CYTH3: variants seen among roughly 807,000 people sequenced by gnomAD.
The protein encoded by CYTH3 is cytohesin 3, also known as cytohesin-3.
A neutral mutation model predicts 55.1 loss-of-function variants in CYTH3; 23 were observed. The ratio of observed to expected loss-of-function variants is 0.42; its 90% CI spans 0.30 to 0.59. The LOEUF (loss-of-function observed/expected upper bound fraction) is 0.59. Ranked by LOEUF, CYTH3 falls within the 20% of genes least tolerant of loss-of-function variation. CYTH3 has a pLI of 0.20. For missense variants in CYTH3, 413 were observed against 524.8 expected (o/e 0.79, Z 2.08); for synonymous variants, 249 against 194.9 (o/e 1.28, Z -2.31).
intron 4 of CYTH3, among the ~76,000 whole-genome samples, chr7:6,178,773 T>C (rs1248678029): frequency 6.6e-6 from 1 of 152,242 alleles, no homozygotes; most frequent in Admixed American, 6.5e-5. Context: ...TCAAAGCTCA[T>C]GCCCACTCTG....
chr7:6,239,057 T>C (rs924611366), intron 1 of CYTH3, among the ~76,000 whole-genome samples: 5 of 151,872 alleles, frequency 3.3e-5, no homozygotes, highest in Non-Finnish European at 1.5e-5. Flanking sequence ...CTACAAAAAA[T>C]ACAAAAATTA....
In CYTH3 at chr7:6,170,028, G is replaced by A. The variant is rs911991744; in HGVS notation, c.823+507C>T. On this transcript the variant is annotated intron_variant, in intron 9 of 12. Transcript: ENST00000350796. This position sits in a 1 kb window ranked among gnomAD's most constrained non-coding sequence, Gnocchi z 7.8. ...GAGCTCACACAGACCAACGTGGGGA[G>A]AGCGAGAGGAATGAGCCGCTGAGGG... The A allele has an allele frequency of 1.8e-5, 3 of 168,276 alleles. No homozygotes were observed. The highest frequency in any genetic ancestry group is 7.2e-5 in the African/African-American group (3 of 41,620). The allele number at this position is 168,276 out of a possible 1,614,324, so 10.4% of individuals were successfully genotyped here. A position where few individuals can be genotyped will look rare whatever the true frequency, so the allele number is the denominator to read the frequency against.
In CYTH3 at chr7:6,169,260, G is replaced by A. The variant is rs986494457; in HGVS notation, c.823+1275C>T. ...TTTTGAGACGAGGTCTCACTCTGTC[G>A]CCGAGGTGGGAGAGCAGTGGCACAG... is the stretch of plus-strand genomic sequence containing the variant. On this transcript the variant is annotated intron_variant, in intron 9 of 12. Coordinates refer to ENST00000350796, the MANE Select transcript of CYTH3 (RefSeq NM_004227.4). This position sits in a 1 kb window ranked among gnomAD's most constrained non-coding sequence, Gnocchi z 4.1. 2.0e-5 allele frequency among the ~76,000 whole-genome samples: 3 copies of A among 152,120 alleles called. No individual in the cohort carries two copies. Among genetic ancestry groups the A allele is most frequent in the Non-Finnish European group, 2.9e-5 (2 of 68,028 alleles).
chr7:6,256,099 T>C (rs1780097530), intron 1 of CYTH3, among the ~76,000 whole-genome samples: 1 of 152,196 alleles, frequency 6.6e-6, no homozygotes, highest in African/African-American at 2.4e-5. Flanking sequence ...GAAATGGCCC[T>C]GTCAATAACT....
chr7:6,265,113 G>A (rs1454593788), intron 1 of CYTH3, among the ~76,000 whole-genome samples: 1 of 152,144 alleles, frequency 6.6e-6, no homozygotes, highest in East Asian at 1.9e-4. Context: ...AGACCAATGA[G>A]ACAGAGCAGA....
chr7:6,188,396 C>T (rs1232650768), intron 2 of CYTH3, among the ~76,000 whole-genome samples: 1 of 151,994 alleles, frequency 6.6e-6, no homozygotes, highest in East Asian at 1.9e-4. Context: ...CATGAGTCCT[C>T]AGTTCGCTTA....
chr7:6,212,900 C>T (rs1241022284), intron 1 of CYTH3, among the ~76,000 whole-genome samples: 2 of 152,228 alleles, frequency 1.3e-5, no homozygotes, highest in African/African-American at 4.8e-5. Context: ...AATCTCCACA[C>T]TGTTTTCTAC....
chr7:6,163,039 C>T lies in CYTH3; in HGVS notation c.*1905G>A, dbSNP rs1782883463. The T allele has an allele frequency of 6.5e-6, 1 of 152,708 alleles. No homozygotes were observed. Among genetic ancestry groups the T allele is most frequent in the Non-Finnish European group, 1.5e-5 (1 of 68,056 alleles). The allele number at this position is 152,708 out of a possible 1,614,324, so 9.5% of individuals were successfully genotyped here. On this transcript the variant is annotated 3_prime_UTR_variant, in exon 13 of 13. Transcript: ENST00000350796. ...ATCTACCAGTCAGGCATTTCAAGAA[C>T]GCTGACTTGCCTTTCTCAGAACTAA...
At chr7:6,245,293 TTC>T (rs1433144073) in intron 1 of CYTH3, among the ~76,000 whole-genome samples, 8 of 152,088 alleles carry the variant, frequency 5.3e-5, no homozygotes, top group African/African-American at 1.9e-4. Context: ...AACTAGTGAC[TTC>T]TTTTTCATTC....
chr7:6,218,369 T>C (rs1239509073), intron 1 of CYTH3, among the ~76,000 whole-genome samples: 2 of 152,092 alleles, frequency 1.3e-5, no homozygotes, highest in Admixed American at 6.5e-5. Flanking sequence ...GACAAGGAAA[T>C]GCAGCTCTAG....
chr7:6,210,924 T>C (rs895116790), intron 1 of CYTH3, among the ~76,000 whole-genome samples: 2 of 152,244 alleles, frequency 1.3e-5, no homozygotes, highest in Admixed American at 6.5e-5. Flanking sequence ...ACCTGAAGTA[T>C]TCTATTTGAT....
chr7:6,187,044 T>C lies in CYTH3; in HGVS notation c.249+6A>G. The C allele has an allele frequency of 6.2e-7, 1 of 1,613,340 alleles. No individual in the cohort carries two copies. Among genetic ancestry groups the C allele is most frequent in the Non-Finnish European group, 8.5e-7 (1 of 1,179,224 alleles). On this transcript the variant is annotated splice_donor_region_variant and intron_variant, in intron 4 of 12. Transcript: ENST00000350796. ...GCAGGCCAGAAAAGGGAGAGCATTC[T>C]CTTACCTTTTTGGGATCCATGTTGA...
intron 4 of CYTH3, among the ~76,000 whole-genome samples, chr7:6,183,937 C>G (rs1264515631): frequency 1.3e-5 from 2 of 151,174 alleles, no homozygotes; most frequent in Non-Finnish European, 2.9e-5. Context: ...ACTAGCAAGC[C>G]AGGAAGAGAG....
intron 1 of CYTH3, among the ~76,000 whole-genome samples, chr7:6,259,674 T>G (rs548931435): frequency 1.3e-4 from 18 of 134,228 alleles, no homozygotes; most frequent in Non-Finnish European, 1.7e-4. Flanking sequence ...GAGTCATGTA[T>G]TTTCTACTCT....
At chr7:6,174,299 G>C (rs1428122379) in intron 5 of CYTH3, among the ~76,000 whole-genome samples, 4 of 151,356 alleles carry the variant, frequency 2.6e-5, no homozygotes, top group Admixed American at 2.0e-4. Context: ...ATTTTTAGTA[G>C]AGATGGGGTT....
At chr7:6,263,971 G>A (rs551158595) in intron 1 of CYTH3, among the ~76,000 whole-genome samples, 2 of 152,152 alleles carry the variant, frequency 1.3e-5, no homozygotes, top group East Asian at 3.9e-4. Flanking sequence ...TTAGGGCCGG[G>A]TGCGGTTGCT....
At chr7:6,193,534 T>G (rs960668887) in intron 1 of CYTH3, among the ~76,000 whole-genome samples, 2 of 152,214 alleles carry the variant, frequency 1.3e-5, no homozygotes, top group Non-Finnish European at 2.9e-5. Flanking sequence ...CACAGCTGAT[T>G]TAATCCACAT....
At chr7:6,185,437 C>T (rs1783611869) in intron 4 of CYTH3, among the ~76,000 whole-genome samples, 2 of 152,048 alleles carry the variant, frequency 1.3e-5, no homozygotes, top group South Asian at 2.1e-4. Flanking sequence ...GGGCTCACGC[C>T]TGTAATCCCA....
intron 3 of CYTH3, 67 bp from the exon 4 acceptor site, chr7:6,187,183 C>A: frequency 1.3e-6 from 2 of 1,516,018 alleles, no homozygotes; most frequent in Non-Finnish European, 1.8e-6. Flanking sequence ...TCACGGCCCT[C>A]CAGTGTACTT....
Sources: gnomAD v4.1 joint callset for allele counts (sites outside exome capture counted in the v4.1 genomes callset) on GRCh38, gnomAD v4.1.1 for gene constraint, Gnocchi (gnomAD v3.1) non-coding constraint, MANE v1.5 for transcripts, NCBI Gene and HGNC (gene_info 2026-07-23, HGNC 2026-07-21) for gene names.